RNF152: variants seen among roughly 807,000 people sequenced by gnomAD.
RNF152 encodes E3 ubiquitin-protein ligase RNF152.
Under a neutral mutation model 12.7 loss-of-function variants are expected in RNF152, and 11 were observed. The observed-to-expected ratio is 0.86, with a 90% CI of 0.54 to 1.43. RNF152 has a LOEUF of 1.43. Ranked by LOEUF, RNF152 falls within the 40% of genes most tolerant of loss-of-function variation. The pLI is 0.00. For synonymous variants in RNF152, 113 were observed against 120.3 expected, an observed-to-expected ratio of 0.94 and a Z score of 0.40; for missense variants, 255 against 274.8, an observed-to-expected ratio of 0.93 and a Z score of 0.51.
intron 1 of RNF152, among the ~76,000 whole-genome samples, chr18:61,839,947 C>A (rs1034499818): frequency 9.2e-5 from 14 of 152,162 alleles, no homozygotes; most frequent in Non-Finnish European, 1.5e-4. Context: ...ATTTCCCCAT[C>A]CCCAGGCCCA....
chr18:61,859,694 C>T (rs903208487), intron 1 of RNF152, among the ~76,000 whole-genome samples: 1 of 152,182 alleles, frequency 6.6e-6, no homozygotes, highest in East Asian at 1.9e-4. Flanking sequence ...GACTGGCCAA[C>T]ATGGCGAAAT....
At chr18:61,875,207 G>A (rs1211933931) in intron 1 of RNF152, 1 of 152,222 alleles carries the variant, frequency 6.6e-6, no homozygotes. Context: ...AGGCTAATGA[G>A]TTAACCAATT....
rs1182887977 is a variant in RNF152, at chr18:61,813,936, C to T, written c.*1916G>A. ...AGGATAGTATTCAGCTAATATGACA[C>T]CTAAATTATTAATACCAAATAAATC... is the stretch of plus-strand genomic sequence containing the variant. On this transcript the variant is annotated 3_prime_UTR_variant, in exon 2 of 2. Coordinates refer to ENST00000312828, the MANE Select transcript of RNF152 (RefSeq NM_173557.3). The T allele has an allele frequency of 6.6e-6, 1 of 152,084 alleles. No homozygotes were observed. Among genetic ancestry groups the T allele is most frequent in the African/African-American group, 2.4e-5 (1 of 41,408 alleles). The allele number at this position is 152,084 out of a possible 1,614,324, so 9.4% of individuals were successfully genotyped here.
rs1913023556 is a variant in RNF152 at position 61,892,858 on chromosome 18, C to T, written c.-199G>A. 6.6e-6 allele frequency: 1 copy of T among 152,218 alleles called. No individual in the cohort carries two copies. The highest frequency in any genetic ancestry group is 1.5e-5 in the Non-Finnish European group (1 of 68,106). 9.4% of individuals were successfully genotyped at this position (152,218 alleles called of 1,614,324 possible). ...GATGACATCAAGTGGAAATGGTACA[C>T]GTTTAGGAGGCAAGAGGCTGACAGG... On this transcript the variant is annotated 5_prime_UTR_variant, in exon 1 of 2. The change creates a new upstream start codon in the 5' untranslated region. Coordinates refer to ENST00000312828, the MANE Select transcript of RNF152 (RefSeq NM_173557.3).
intron 1 of RNF152, among the ~76,000 whole-genome samples, chr18:61,878,316 C>T (rs774146039): frequency 3.1e-4 from 47 of 152,224 alleles, no homozygotes; most frequent in Non-Finnish European, 4.7e-4. Flanking sequence ...CTGCACAGGA[C>T]GGTCTTCCCA....
At chr18:61,844,041 A>G (rs1910578283) in intron 1 of RNF152, among the ~76,000 whole-genome samples, 1 of 145,928 alleles carries the variant, frequency 6.9e-6, no homozygotes, top group African/African-American at 2.5e-5. Context: ...AGAGAGAAAG[A>G]AAAAGAAAAA....
intron 1 of RNF152, among the ~76,000 whole-genome samples, chr18:61,878,494 T>C (rs1213716760): frequency 6.6e-6 from 1 of 152,254 alleles, no homozygotes; most frequent in Non-Finnish European, 1.5e-5. Context: ...TGTTTGTTCA[T>C]TTGCTTGTTT....
At chr18:61,829,026 A>G (rs952229437) in intron 1 of RNF152, among the ~76,000 whole-genome samples, 1 of 152,180 alleles carries the variant, frequency 6.6e-6, no homozygotes, top group Non-Finnish European at 1.5e-5. Flanking sequence ...GCAGACACAA[A>G]GGCACAGAGA....
At position 61,823,253 on chromosome 18, in the gene RNF152, G is replaced by A. The variant is rs140390769; in HGVS notation, c.-135-6655C>T. Reference sequence around the variant, plus strand: ...CCTCCTATGAGCATCCTGGTTTGCTGTATTTGATGAAGCAAAGAATCCAGA... The same window carrying A: ...CCTCCTATGAGCATCCTGGTTTGCTATATTTGATGAAGCAAAGAATCCAGA... On this transcript the variant is annotated intron_variant, in intron 1 of 1. Coordinates refer to ENST00000312828, the MANE Select transcript of RNF152 (RefSeq NM_173557.3). Among the ~76,000 whole-genome samples the A allele has an allele frequency of 4.0e-3, 612 of 152,326 alleles. 5 individuals carry two copies. Among genetic ancestry groups the A allele is most frequent in the African/African-American group, 0.013 (541 of 41,560 alleles).
At position 61,815,830 on chromosome 18, in the gene RNF152, A is replaced by G. The variant is rs1385451631; in HGVS notation, c.*22T>C. The G allele has an allele frequency of 1.2e-6, 2 of 1,605,720 alleles. No individual in the cohort carries two copies. The highest frequency in any genetic ancestry group is 1.7e-5 in the Admixed American group (1 of 59,820). ...CTCAACCCCTAAGTTGGCACCCACA[A>G]GAGACTTCCCTGCAGCCCTCTTCAG... is the stretch of plus-strand genomic sequence containing the variant. On this transcript the variant is annotated 3_prime_UTR_variant, in exon 2 of 2. Coordinates refer to ENST00000312828, the MANE Select transcript of RNF152 (RefSeq NM_173557.3).
intron 1 of RNF152, among the ~76,000 whole-genome samples, chr18:61,820,900 T>C (rs1013618370): frequency 6.6e-6 from 1 of 152,154 alleles, no homozygotes; most frequent in African/African-American, 2.4e-5. Flanking sequence ...GTCATTTACC[T>C]TCTCTGAGCC....
At position 61,811,189 on chromosome 18, in the gene RNF152, A is replaced by G. The variant is rs567856748; in HGVS notation, c.*4663T>C. 3 of 152,200 alleles carry G rather than the reference A, an allele frequency of 2.0e-5. No homozygotes were observed. Among genetic ancestry groups the G allele is most frequent in the Non-Finnish European group, 4.4e-5 (3 of 68,040 alleles). The allele number at this position is 152,200 out of a possible 1,614,324, so 9.4% of individuals were successfully genotyped here. On this transcript the variant is annotated 3_prime_UTR_variant, in exon 2 of 2. Transcript: ENST00000312828. ...TTGTATATATTCCATTTGGAAAACA[A>G]TGAAAAGCAGACTAACCAATTTTGA...
intron 1 of RNF152, among the ~76,000 whole-genome samples, chr18:61,887,509 G>A (rs1912753936): frequency 6.6e-6 from 1 of 152,108 alleles, no homozygotes; most frequent in African/African-American, 2.4e-5. Context: ...ACGAGGTCAG[G>A]AGTTCAAGAC....
intron 1 of RNF152, among the ~76,000 whole-genome samples, chr18:61,858,687 TA>T (rs1250622504): frequency 2.6e-5 from 4 of 152,142 alleles, no homozygotes; most frequent in Non-Finnish European, 5.9e-5. Context: ...CATCCTAGCC[TA>T]AAACTTCTAT....
intron 1 of RNF152, among the ~76,000 whole-genome samples, chr18:61,867,096 A>C (rs1335445776): frequency 6.6e-6 from 1 of 152,184 alleles, no homozygotes; most frequent in Non-Finnish European, 1.5e-5. Context: ...AGTAGGAAGA[A>C]AGCCTGTGGC....
chr18:61,849,782 G>A (rs1407360178), intron 1 of RNF152, among the ~76,000 whole-genome samples: 1 of 152,144 alleles, frequency 6.6e-6, no homozygotes, highest in Non-Finnish European at 1.5e-5. Flanking sequence ...GCCCAGGCTG[G>A]TCTTGAACTC....
Position 61,808,318 on chromosome 18 carries a change from T to C in RNF152, c.*7534A>G, listed in dbSNP as rs939378223. 6 of 148,716 alleles carry C rather than the reference T, an allele frequency of 4.0e-5. No individual in the cohort carries two copies. Among genetic ancestry groups the C allele is most frequent in the African/African-American group, 1.5e-4 (6 of 40,094 alleles). The allele number at this position is 148,716 out of a possible 1,614,324, so 9.2% of individuals were successfully genotyped here. On this transcript the variant is annotated 3_prime_UTR_variant, in exon 2 of 2. Coordinates refer to ENST00000312828, the MANE Select transcript of RNF152 (RefSeq NM_173557.3). ...GATATCCCCTTTACGAAGTCAATAT[T>C]TGGCAACATTTGGACAATATTTTCT...
At chr18:61,878,457 T>A (rs1912315340) in intron 1 of RNF152, among the ~76,000 whole-genome samples, 1 of 152,214 alleles carries the variant, frequency 6.6e-6, no homozygotes, top group South Asian at 2.1e-4. Flanking sequence ...CCCTAAGCAA[T>A]CCCAACAAAC....
intron 1 of RNF152, among the ~76,000 whole-genome samples, chr18:61,867,523 G>T (rs979085578): frequency 6.6e-6 from 1 of 152,058 alleles, no homozygotes; most frequent in African/African-American, 2.4e-5. Flanking sequence ...CTGGGAGGAG[G>T]GGGAGCAGGG....
Sources: allele counts gnomAD v4.1 joint callset (sites outside exome capture counted in the v4.1 genomes callset), GRCh38; gene constraint gnomAD v4.1.1; transcripts MANE v1.5; gene names NCBI Gene and HGNC (gene_info 2026-07-23, HGNC 2026-07-21).